Variants in CDC42SE2 observed in about 807,000 individuals in gnomAD.
CDC42SE2 encodes the protein CDC42 small effector protein 2.
CDC42SE2 carries 3 observed loss-of-function variants against 11.5 expected under a neutral mutation model. The ratio of observed to expected loss-of-function variants is 0.26; its 90% CI spans 0.12 to 0.67. The LOEUF (loss-of-function observed/expected upper bound fraction) is 0.67. Ranked by LOEUF, CDC42SE2 falls within the 30% of genes least tolerant of loss-of-function variation. The pLI, the probability that CDC42SE2 is intolerant of heterozygous loss-of-function variation, is 0.80. For synonymous variants in CDC42SE2, 33 were observed against 34.8 expected (o/e 0.95, Z 0.18); for missense variants, 82 against 106.8 (o/e 0.77, Z 1.02).
chr5:131,380,358 G>A (rs939536844), intron 3 of CDC42SE2, among the ~76,000 whole-genome samples: 2 of 151,994 alleles, frequency 1.3e-5, no homozygotes, highest in African/African-American at 2.4e-5. Flanking sequence ...TGTTGGCCAG[G>A]CTGGTCTTGA....
intron 2 of CDC42SE2, among the ~76,000 whole-genome samples, chr5:131,355,242 A>G (rs1421442669): frequency 6.6e-6 from 1 of 152,168 alleles, no homozygotes; most frequent in Non-Finnish European, 1.5e-5. Context: ...TGAAATGGCA[A>G]TGCAGTATTT....
chr5:131,363,983 A>G (rs1025449534), intron 3 of CDC42SE2, among the ~76,000 whole-genome samples: 1 of 152,186 alleles, frequency 6.6e-6, no homozygotes, highest in African/African-American at 2.4e-5. Context: ...GGCATGAGCC[A>G]CCACACCTGG....
chr5:131,322,966 G>A (rs1758222062), intron 2 of CDC42SE2, among the ~76,000 whole-genome samples: 1 of 152,114 alleles, frequency 6.6e-6, no homozygotes, highest in South Asian at 2.1e-4. Context: ...TGTGGTTTTT[G>A]TTTTGTTTTG....
intron 2 of CDC42SE2, among the ~76,000 whole-genome samples, chr5:131,258,030 G>C (rs7356708): frequency 0.2 from 29,844 of 151,942 alleles, 7,641 homozygotes; most frequent in African/African-American, 0.6. Context: ...TGCCAGCAGA[G>C]TCCACTCCCT....
intron 2 of CDC42SE2, among the ~76,000 whole-genome samples, chr5:131,344,703 C>T (rs1366964079): frequency 6.6e-6 from 1 of 152,228 alleles, no homozygotes; most frequent in Non-Finnish European, 1.5e-5. Context: ...AATGCCTCCT[C>T]AAGTGGGTCC....
chr5:131,375,517 G>A (rs142819117), intron 3 of CDC42SE2, among the ~76,000 whole-genome samples: 1 of 152,204 alleles, frequency 6.6e-6, no homozygotes, highest in East Asian at 1.9e-4. Flanking sequence ...GATCTATGGT[G>A]TGACTCTCAT....
intron 3 of CDC42SE2, among the ~76,000 whole-genome samples, chr5:131,370,853 C>T (rs186489420): frequency 4.6e-5 from 7 of 151,962 alleles, no homozygotes; most frequent in Non-Finnish European, 1.0e-4. Flanking sequence ...CTAGACACAA[C>T]AAGAATGAAG....
chr5:131,297,896 C>A (rs1167408474), intron 1 of CDC42SE2, among the ~76,000 whole-genome samples: 2 of 151,912 alleles, frequency 1.3e-5, no homozygotes, highest in Non-Finnish European at 2.9e-5. Context: ...AACTAGGAGA[C>A]TCTCCCTATT....
intron 2 of CDC42SE2, among the ~76,000 whole-genome samples, chr5:131,338,359 G>A (rs1465306481): frequency 6.6e-6 from 1 of 152,156 alleles, no homozygotes; most frequent in African/African-American, 2.4e-5. Context: ...CCCAACTCTA[G>A]TTTTGTATTG....
intron 2 of CDC42SE2, among the ~76,000 whole-genome samples, chr5:131,318,754 TGA>T (rs1040255430): frequency 4.2e-4 from 64 of 152,346 alleles, no homozygotes; most frequent in African/African-American, 1.5e-3. Context: ...TACATTTTTG[TGA>T]AAACTTTCTA....
At chr5:131,252,214 T>A (rs1056538774) in intron 1 of CDC42SE2, among the ~76,000 whole-genome samples, 4 of 152,232 alleles carry the variant, frequency 2.6e-5, no homozygotes, top group Non-Finnish European at 5.9e-5. Flanking sequence ...GCAAGACTAT[T>A]TTAAAGTTCA....
At chr5:131,359,052 T>C (rs539929186) in intron 2 of CDC42SE2, among the ~76,000 whole-genome samples, 157 bp from the exon 3 acceptor site, 1 of 152,328 alleles carries the variant, frequency 6.6e-6, no homozygotes, top group South Asian at 2.1e-4. Flanking sequence ...ACTTAAAAAG[T>C]TGCTCAAAAA....
intron 2 of CDC42SE2, among the ~76,000 whole-genome samples, chr5:131,338,437 C>T (rs186739564): frequency 1.1e-4 from 17 of 152,262 alleles, no homozygotes; most frequent in African/African-American, 2.9e-4. Flanking sequence ...GCTAGTGTTT[C>T]GTAGGCAGTT....
the CDC42SE2 span, among the ~76,000 whole-genome samples, chr5:131,219,021 CA>C: frequency 1.1e-3 from 173 of 152,200 alleles, no homozygotes; most frequent in Middle Eastern, 0.031. Context: ...CGAAAAAGAA[CA>C]AGGAATTACT....
intron 3 of CDC42SE2, among the ~76,000 whole-genome samples, chr5:131,377,666 T>C (rs1750196301): frequency 6.6e-6 from 1 of 152,192 alleles, no homozygotes. Flanking sequence ...GATTCTGATG[T>C]ACACTGTAGC....
chr5:131,360,678 A>C (rs923862801), intron 3 of CDC42SE2, among the ~76,000 whole-genome samples: 1 of 152,202 alleles, frequency 6.6e-6, no homozygotes, highest in Non-Finnish European at 1.5e-5. Flanking sequence ...GTAGGTATAC[A>C]TGATTGATTG....
At position 131,329,879 on chromosome 5, in the gene CDC42SE2, C is replaced by CAAAAAAAAAAAAAAAAAAAAAAAAAAA. The variant is rs747152132; in HGVS notation, c.-286+13752_-286+13778dup. Among the ~76,000 whole-genome samples, 15 of 56,626 alleles carry CAAAAAAAAAAAAAAAAAAAAAAAAAAA rather than the reference C, an allele frequency of 2.6e-4. 2 individuals carry two copies. The highest frequency in any genetic ancestry group is 8.8e-4 in the Admixed American group (4 of 4,524). 37.1% of individuals were successfully genotyped at this position (56,626 alleles called of 152,430 possible). On this transcript the variant is annotated intron_variant, in intron 2 of 4. Coordinates refer to ENST00000505065, the MANE Select transcript of CDC42SE2 (RefSeq NM_001375635.1). ...GGGCAACAAGAGTGAAACTCCATCT[C>CAAAAAAAAAAAAAAAAAAAAAAAAAAA]AAAAAAAAAAAAAAAAAAAAAAAAA...
chr5:131,352,879 A>G (rs901363526), intron 2 of CDC42SE2, among the ~76,000 whole-genome samples: 3 of 152,162 alleles, frequency 2.0e-5, no homozygotes, highest in Non-Finnish European at 4.4e-5. Context: ...GTTCTTCCAA[A>G]GTTTCTAGCA....
At chr5:131,268,350 A>G (rs1163989705) in intron 1 of CDC42SE2, among the ~76,000 whole-genome samples, 1 of 152,060 alleles carries the variant, frequency 6.6e-6, no homozygotes, top group African/African-American at 2.4e-5. Context: ...GGCGTGAGCC[A>G]CCGTGCCCGG....
Sources: allele counts gnomAD v4.1 joint callset (sites outside exome capture counted in the v4.1 genomes callset), GRCh38; gene constraint gnomAD v4.1.1; transcripts MANE v1.5; gene names NCBI Gene and HGNC (gene_info 2026-07-23, HGNC 2026-07-21).